DAPK1: variants seen among roughly 807,000 people sequenced by gnomAD.
The protein encoded by DAPK1 is death-associated protein kinase 1.
Under a neutral mutation model 144.9 loss-of-function variants are expected in DAPK1, and 56 were observed. The observed-to-expected ratio is 0.39, with a 90% CI of 0.31 to 0.48. DAPK1 has a LOEUF of 0.48. Among genes scored for constraint, DAPK1 ranks in the 20% least tolerant of loss-of-function variants. DAPK1 has a pLI of 0.95. For synonymous variants in DAPK1, 690 were observed against 749.0 expected, an observed-to-expected ratio of 0.92 and a Z score of 1.29; for missense variants, 1,454 against 1,875.4, an observed-to-expected ratio of 0.78 and a Z score of 4.15.
At chr9:87,546,801 G>A (rs1250853418) in intron 2 of DAPK1, among the ~76,000 whole-genome samples, 2 of 151,970 alleles carry the variant, frequency 1.3e-5, no homozygotes, top group Non-Finnish European at 2.9e-5. Context: ...AGAGGACTCC[G>A]ATGACGTTAG....
chr9:87,642,803 T>TAG (rs148053576), intron 10 of DAPK1, among the ~76,000 whole-genome samples: 3 of 152,186 alleles, frequency 2.0e-5, no homozygotes, highest in African/African-American at 7.2e-5. Context: ...AGGCTTAAAA[T>TAG]AGAGAGAGAG....
intron 20 of DAPK1, among the ~76,000 whole-genome samples, chr9:87,685,653 T>C (rs2117900119): frequency 6.6e-6 from 1 of 152,282 alleles, no homozygotes; most frequent in Non-Finnish European, 1.5e-5. Flanking sequence ...AAGCACAGGC[T>C]CTATGCCTAA....
At chr9:87,675,848 T>TACACACACACACAC (rs763359644) in intron 19 of DAPK1, among the ~76,000 whole-genome samples, 4,709 of 117,218 alleles carry the variant, frequency 0.04, 219 homozygotes, top group African/African-American at 0.066. Flanking sequence ...CATTCTACCC[T>TACACACACACACAC]ACACACACAC....
intron 3 of DAPK1, chr9:87,632,475 G>A: frequency 1.0e-6 from 1 of 980,554 alleles, no homozygotes; most frequent in Non-Finnish European, 1.2e-6. Context: ...TAGGAATGAA[G>A]GGTGATCAGT....
intron 2 of DAPK1, among the ~76,000 whole-genome samples, chr9:87,516,758 G>A (rs1825075073): frequency 2.0e-5 from 3 of 152,106 alleles, no homozygotes; most frequent in South Asian, 2.1e-4. Context: ...TAGGCACCCT[G>A]CGATTGGGGC....
At position 87,686,640 on chromosome 9, in the gene DAPK1, G is replaced by A. The variant is rs374989008; in HGVS notation, c.2314G>A (p.Gly772Arg). ...SMMFEPGLTK[G>R]MLEVFVAPTH... ...GATGTTCGAGCCGGGTCTTACCAAA[G>A]GGATGCTGGAGGTGTTTGTGGCCCC... is the stretch of plus-strand genomic sequence containing the variant. The change falls in exon 21 of 26, where the codon GGG becomes AGG. Residue 772 changes from glycine (G) to arginine (R), a missense_variant. Transcript: ENST00000408954. This position sits in a 1 kb window ranked among gnomAD's most constrained non-coding sequence, Gnocchi z 4.2. 3.5e-5 allele frequency: 56 copies of A among 1,611,850 alleles called. No homozygotes were observed. Among genetic ancestry groups the A allele is most frequent in the Non-Finnish European group, 2.1e-5 (25 of 1,178,330 alleles).
chr9:87,706,122 C>A lies in DAPK1; in HGVS notation c.3061-10C>A. 3.8e-6 allele frequency: 6 copies of A among 1,570,336 alleles called. No individual in the cohort carries two copies. Among genetic ancestry groups the A allele is most frequent in the South Asian group, 3.5e-5 (3 of 85,538 alleles). ...GTCCCTAAGCGTGACTTTCTGTTGT[C>A]CCCCCGCAGATCAACATCATGCAAA... On this transcript the variant is annotated splice_polypyrimidine_tract_variant and intron_variant, in intron 25 of 25. Coordinates refer to ENST00000408954, the MANE Select transcript of DAPK1 (RefSeq NM_004938.4). This position sits in a 1 kb window ranked among gnomAD's most constrained non-coding sequence, Gnocchi z 9.0.
intron 2 of DAPK1, among the ~76,000 whole-genome samples, chr9:87,587,074 G>A (rs1341224394): frequency 1.3e-5 from 2 of 152,200 alleles, no homozygotes; most frequent in Non-Finnish European, 2.9e-5. Context: ...CTCACCTAAA[G>A]GTGAGATTCG....
At chr9:87,607,822 C>T (rs1828786744) in intron 3 of DAPK1, among the ~76,000 whole-genome samples, 1 of 152,156 alleles carries the variant, frequency 6.6e-6, no homozygotes, top group Non-Finnish European at 1.5e-5. Flanking sequence ...TGGTCTTCAT[C>T]ACTGTTTGTA....
chr9:87,678,649 TAGTTA>T (rs1410523355), intron 19 of DAPK1, among the ~76,000 whole-genome samples: 1 of 152,224 alleles, frequency 6.6e-6, no homozygotes, highest in African/African-American at 2.4e-5. Context: ...GTGTAAAATG[TAGTTA>T]AGTTCTCAGC....
chr9:87,619,591 C>A (rs1328284476), intron 3 of DAPK1, among the ~76,000 whole-genome samples: 1 of 152,200 alleles, frequency 6.6e-6, no homozygotes, highest in East Asian at 1.9e-4. Context: ...AGTCCTCTCT[C>A]ATGAGAACGG....
At chr9:87,662,000 A>T (rs1161454429) in intron 18 of DAPK1, among the ~76,000 whole-genome samples, 1 of 152,180 alleles carries the variant, frequency 6.6e-6, no homozygotes, top group African/African-American at 2.4e-5. Context: ...GACTTCTGCA[A>T]ATGGTGAGAG....
intron 2 of DAPK1, among the ~76,000 whole-genome samples, chr9:87,518,139 T>C (rs1259731690): frequency 7.0e-6 from 1 of 143,136 alleles, no homozygotes; most frequent in Non-Finnish European, 1.5e-5. Flanking sequence ...TGAGATGGAG[T>C]CTGGCTCTAT....
chr9:87,598,023 T>C (rs36206542), intron 2 of DAPK1, among the ~76,000 whole-genome samples: 2,307 of 152,322 alleles, frequency 0.015, 136 homozygotes, highest in Admixed American at 0.1. Flanking sequence ...GTCTCTCCTC[T>C]AGTCTGTAAA....
At chr9:87,517,028 T>C (rs1424804890) in intron 2 of DAPK1, among the ~76,000 whole-genome samples, 2 of 151,950 alleles carry the variant, frequency 1.3e-5, no homozygotes. Flanking sequence ...CATCACAACC[T>C]CTCTCTTCCT....
chr9:87,673,797 A>G (rs2119300007), intron 19 of DAPK1, among the ~76,000 whole-genome samples: 1 of 152,340 alleles, frequency 6.6e-6, no homozygotes, highest in East Asian at 1.9e-4. Context: ...AGCAAATGCT[A>G]GAGATGAAGT....
chr9:87,694,978 C>A (rs543540179), intron 21 of DAPK1, among the ~76,000 whole-genome samples: 1 of 152,188 alleles, frequency 6.6e-6, no homozygotes, highest in Non-Finnish European at 1.5e-5. Flanking sequence ...GGTGAAGGGT[C>A]CCCCTGCACC....
At chr9:87,643,545 A>T in intron 11 of DAPK1, 77 bp downstream of exon 11, 1 of 967,594 alleles carries the variant, frequency 1.0e-6, no homozygotes, top group Non-Finnish European at 1.6e-6. Flanking sequence ...CTATTTGTTC[A>T]ACCTCCCAGG....
intron 18 of DAPK1, among the ~76,000 whole-genome samples, chr9:87,662,909 G>T (rs1178279641): frequency 6.6e-6 from 1 of 151,760 alleles, no homozygotes; most frequent in East Asian, 1.9e-4. Context: ...TTCCTTCTGT[G>T]CCCTCACAGC....
Sources: gnomAD v4.1 joint callset for allele counts (sites outside exome capture counted in the v4.1 genomes callset) on GRCh38, gnomAD v4.1.1 for gene constraint, Gnocchi (gnomAD v3.1) non-coding constraint, MANE v1.5 for transcripts, NCBI Gene and HGNC (gene_info 2026-07-23, HGNC 2026-07-21) for gene names.